BAIAP2L1: variants seen among roughly 807,000 people sequenced by gnomAD.
BAIAP2L1 encodes BAR/IMD domain containing adaptor protein 2 like 1, also known as BAR/IMD domain-containing adapter protein 2-like 1.
BAIAP2L1 carries 35 observed loss-of-function variants against 66.3 expected under a neutral mutation model. That is an observed-to-expected ratio of 0.53 (90% CI 0.40 to 0.70). The LOEUF (loss-of-function observed/expected upper bound fraction) is 0.70. Ranked by LOEUF, BAIAP2L1 falls within the 30% of genes least tolerant of loss-of-function variation. The pLI, the probability that BAIAP2L1 is intolerant of heterozygous loss-of-function variation, is 0.00. For synonymous variants in BAIAP2L1, 269 were observed against 248.7 expected (o/e 1.08, Z -0.77); for missense variants, 622 against 656.9 (o/e 0.95, Z 0.58).
rs905900272 is a variant in BAIAP2L1 at position 98,390,065 on chromosome 7, G to A, written c.51+10737C>T. Among the ~76,000 whole-genome samples, 23 of 151,678 alleles carry A rather than the reference G, an allele frequency of 1.5e-4. No individual in the cohort carries two copies. The East Asian group carries it at 1.6e-3, about 10-fold the overall frequency. On this transcript the variant is annotated intron_variant, in intron 1 of 13. Transcript: ENST00000005260. ...CGAGTAGCTGGGACTACAGGCACCC[G>A]CCACCGCACCCGGCTAATTTTGTGT... is the stretch of plus-strand genomic sequence containing the variant.
At chr7:98,375,742 CA>C (rs372282399) in intron 1 of BAIAP2L1, among the ~76,000 whole-genome samples, 1,505 of 59,082 alleles carry the variant, frequency 0.025, 7 homozygotes, top group African/African-American at 0.07. Context: ...AAGTCCATCT[CA>C]AAAAAAAAAA....
chr7:98,297,746 T>C (rs911299769), intron 12 of BAIAP2L1, among the ~76,000 whole-genome samples: 27 of 152,184 alleles, frequency 1.8e-4, no homozygotes, highest in African/African-American at 6.0e-4. Context: ...GCACCCATGT[T>C]GTGACGCAAA....
chr7:98,383,489 G>A (rs986168000), intron 1 of BAIAP2L1, among the ~76,000 whole-genome samples: 1 of 151,880 alleles, frequency 6.6e-6, no homozygotes, highest in Admixed American at 6.6e-5. Context: ...GTTTCTCCAT[G>A]TTGGTCAGGC....
At chr7:98,295,913 G>A (rs926019669) in intron 12 of BAIAP2L1, among the ~76,000 whole-genome samples, 1 of 152,170 alleles carries the variant, frequency 6.6e-6, no homozygotes, top group Non-Finnish European at 1.5e-5. Flanking sequence ...ATGACAGCTG[G>A]AAGCCACTCA....
chr7:98,317,081 G>A, intron 6 of BAIAP2L1, 138 bp downstream of exon 6: 2 of 1,078,228 alleles, frequency 1.9e-6, no homozygotes, highest in Non-Finnish European at 2.7e-6. Context: ...TCGAACTCCT[G>A]ACCTCATATG....
intron 1 of BAIAP2L1, among the ~76,000 whole-genome samples, chr7:98,399,265 G>C (rs556982570): frequency 6.6e-6 from 1 of 152,174 alleles, no homozygotes; most frequent in African/African-American, 2.4e-5. Context: ...TGTCAACTGT[G>C]TCTACTCTCC....
chr7:98,389,450 C>G (rs1369869319), intron 1 of BAIAP2L1, among the ~76,000 whole-genome samples: 1 of 152,080 alleles, frequency 6.6e-6, no homozygotes, highest in East Asian at 1.9e-4. Flanking sequence ...TCCCAAGTAG[C>G]TGGAATTACA....
intron 6 of BAIAP2L1, among the ~76,000 whole-genome samples, chr7:98,316,328 G>C (rs1389530018): frequency 6.6e-6 from 1 of 152,082 alleles, no homozygotes; most frequent in African/African-American, 2.4e-5. Context: ...CATGAAAATG[G>C]AGTAATAAAA....
chr7:98,305,475 G>A (rs941305985), intron 11 of BAIAP2L1, among the ~76,000 whole-genome samples: 1 of 152,150 alleles, frequency 6.6e-6, no homozygotes, highest in Non-Finnish European at 1.5e-5. Context: ...GGACCTGGAG[G>A]CCTTCTACCT....
chr7:98,389,021 C>T (rs544076484), intron 1 of BAIAP2L1, among the ~76,000 whole-genome samples: 101 of 151,896 alleles, frequency 6.6e-4, no homozygotes, highest in African/African-American at 2.1e-3. Context: ...CCAAAAAATC[C>T]TGGCCCCTAA....
chr7:98,359,339 C>T (rs957440865), intron 2 of BAIAP2L1, among the ~76,000 whole-genome samples: 10 of 148,230 alleles, frequency 6.7e-5, no homozygotes, highest in African/African-American at 2.3e-4. Context: ...ATGGCACGAT[C>T]TCTGCTCACT....
intron 3 of BAIAP2L1, among the ~76,000 whole-genome samples, chr7:98,336,496 G>T (rs1801620630): frequency 6.6e-6 from 1 of 152,116 alleles, no homozygotes; most frequent in Non-Finnish European, 1.5e-5. Flanking sequence ...GATGGCTGTA[G>T]TTCCAGCTAC....
At chr7:98,344,786 A>T (rs1801832594) in intron 3 of BAIAP2L1, among the ~76,000 whole-genome samples, 1 of 152,164 alleles carries the variant, frequency 6.6e-6, no homozygotes, top group Admixed American at 6.5e-5. Context: ...AATGCAAAAA[A>T]TTAGCCAGGC....
intron 1 of BAIAP2L1, among the ~76,000 whole-genome samples, chr7:98,393,082 CATAT>C (rs200044762): frequency 1.8e-5 from 2 of 108,932 alleles, no homozygotes; most frequent in African/African-American, 8.7e-5. Context: ...TATACACACA[CATAT>C]ATACATATAT....
chr7:98,392,363 T>C (rs1803066498), intron 1 of BAIAP2L1, among the ~76,000 whole-genome samples: 1 of 151,990 alleles, frequency 6.6e-6, no homozygotes, highest in African/African-American at 2.4e-5. Flanking sequence ...GAAGTCTACC[T>C]AACTGGCTAG....
intron 2 of BAIAP2L1, among the ~76,000 whole-genome samples, chr7:98,357,049 ATTTTTTTTTTT>A (rs750965128): frequency 4.8e-4 from 6 of 12,610 alleles, no homozygotes; most frequent in African/African-American, 1.7e-3. Flanking sequence ...ATATATATAT[ATTTTTTTTTTT>A]TTTTTTTTAA....
At chr7:98,369,218 A>G (rs1274710834) in intron 1 of BAIAP2L1, among the ~76,000 whole-genome samples, 2 of 152,150 alleles carry the variant, frequency 1.3e-5, no homozygotes, top group African/African-American at 4.8e-5. Flanking sequence ...GTGGTGACTC[A>G]TGCCTGTAAT....
At chr7:98,398,327 TAC>T (rs1203454654) in intron 1 of BAIAP2L1, among the ~76,000 whole-genome samples, 1 of 152,134 alleles carries the variant, frequency 6.6e-6, no homozygotes, top group Non-Finnish European at 1.5e-5. Flanking sequence ...AAGAACCCAA[TAC>T]AGGGGCGGGA....
chr7:98,292,961 AGGG>A lies in BAIAP2L1; in HGVS notation c.*557_*559del. 8.2e-7 allele frequency: 1 copy of A among 1,220,524 alleles called. No homozygotes were observed. Among genetic ancestry groups the A allele is most frequent in the South Asian group, 3.2e-5 (1 of 31,260 alleles). The allele number at this position is 1,220,524 out of a possible 1,614,324, so 75.6% of individuals were successfully genotyped here. Reference sequence around the variant, plus strand: ...CTACAGCTCTGGCGTGGTTGGAGGGAGGGTGGGGGTTTCTCCATCTCTGGAAGC... The same window carrying A: ...CTACAGCTCTGGCGTGGTTGGAGGGATGGGGGTTTCTCCATCTCTGGAAGC... On this transcript the variant is annotated 3_prime_UTR_variant, in exon 14 of 14. Transcript: ENST00000005260.
Sources: gnomAD v4.1 joint callset for allele counts (sites outside exome capture counted in the v4.1 genomes callset) on GRCh38, gnomAD v4.1.1 for gene constraint, MANE v1.5 for transcripts, NCBI Gene and HGNC (gene_info 2026-07-23, HGNC 2026-07-21) for gene names.